Variants in MCPH1 observed in about 807,000 individuals in gnomAD.
MCPH1 encodes microcephalin.
MCPH1 carries 104 observed loss-of-function variants against 84.5 expected under a neutral mutation model. That is an observed-to-expected ratio of 1.23 (90% CI 1.05 to 1.45). The LOEUF (loss-of-function observed/expected upper bound fraction) is 1.45, where lower values mean the gene tolerates loss of function less well. MCPH1 is among the 40% of genes most tolerant of loss of function. The pLI is 0.00. For synonymous variants in MCPH1, 514 were observed against 366.8 expected (o/e 1.40, Z -4.58); for missense variants, 1,498 against 1,005.7 (o/e 1.49, Z -6.62).
At position 6,645,625 on chromosome 8, in the gene MCPH1, A is replaced by ACC. The variant is rs1486020466; in HGVS notation, c.*2576_*2577insCC. 5.3e-5 allele frequency: 8 copies of ACC among 150,390 alleles called. No individual in the cohort carries two copies. The highest frequency in any genetic ancestry group is 1.9e-4 in the African/African-American group (8 of 41,136). 9.3% of individuals were successfully genotyped at this position (150,390 alleles called of 1,614,324 possible). ...GGAATGCAAAAAAAAAAAAAAAAAA[A>ACC]AGCCCTACAAGAACTTATAACAAGT... On this transcript the variant is annotated 3_prime_UTR_variant, in exon 14 of 14. Transcript: ENST00000344683.
intron 13 of MCPH1, chr8:6,625,800 A>G: frequency 4.1e-6 from 4 of 984,938 alleles, no homozygotes; most frequent in Non-Finnish European, 4.8e-6. Flanking sequence ...GAAAAAAAAA[A>G]GAATCATTTT....
chr8:6,583,995 G>A (rs17077606), intron 12 of MCPH1, among the ~76,000 whole-genome samples: 30,872 of 151,644 alleles, frequency 0.2, 3,296 homozygotes, highest in South Asian at 0.3. Flanking sequence ...ATTGTGCTTC[G>A]AAACTCCCAC....
intron 12 of MCPH1, among the ~76,000 whole-genome samples, chr8:6,615,233 C>G (rs978412497): frequency 2.0e-5 from 3 of 152,214 alleles, no homozygotes; most frequent in Non-Finnish European, 4.4e-5. Context: ...TCTTTCTGCT[C>G]ACGACTCCAT....
In MCPH1 at chr8:6,481,164, G is replaced by A. The variant is rs537448119; in HGVS notation, c.2136+288G>A. ...AGATTACAAAGATGCTGAAAGAAACGCAAGATGCATGTTCTCACAGTCAAA... is the reference window on the plus strand; with the variant it reads ...AGATTACAAAGATGCTGAAAGAAACACAAGATGCATGTTCTCACAGTCAAA... On this transcript the variant is annotated intron_variant, in intron 11 of 13. Coordinates refer to ENST00000344683, the MANE Select transcript of MCPH1 (RefSeq NM_024596.5). 1.7e-3 allele frequency among the ~76,000 whole-genome samples: 263 copies of A among 152,282 alleles called. 3 individuals carry two copies. Among genetic ancestry groups the A allele is most frequent in the South Asian group, 0.017 (82 of 4,826 alleles).
intron 9 of MCPH1, among the ~76,000 whole-genome samples, chr8:6,458,059 T>C (rs1458077937): frequency 6.6e-6 from 1 of 152,194 alleles, no homozygotes; most frequent in African/African-American, 2.4e-5. Flanking sequence ...ACTACAGCCT[T>C]GGGACTTTTA....
At chr8:6,482,925 A>C (rs1031492033) in intron 11 of MCPH1, among the ~76,000 whole-genome samples, 7 of 152,240 alleles carry the variant, frequency 4.6e-5, no homozygotes, top group African/African-American at 1.7e-4. Context: ...GTACAAGGCA[A>C]TCAGACAAGA....
chr8:6,510,834 C>G (rs925035822), intron 12 of MCPH1, among the ~76,000 whole-genome samples: 2 of 152,288 alleles, frequency 1.3e-5, no homozygotes, highest in East Asian at 1.9e-4. Context: ...TAAGGCAGCC[C>G]TAGAAACTTC....
At chr8:6,624,836 G>A (rs2129581302) in intron 13 of MCPH1, 13 of 984,728 alleles carry the variant, frequency 1.3e-5, no homozygotes, top group Non-Finnish European at 1.6e-5. Flanking sequence ...CCAGGTCCAG[G>A]CTATTTGCTT....
chr8:6,621,392 G>T, intron 12 of MCPH1, 62 bp from the exon 13 acceptor site: 1 of 1,594,712 alleles, frequency 6.3e-7, no homozygotes, highest in South Asian at 1.1e-5. Context: ...GCAACAGTTC[G>T]CCTACGCTAT....
chr8:6,521,539 C>G, intron 12 of MCPH1: 1 of 695,178 alleles, frequency 1.4e-6, no homozygotes, highest in Non-Finnish European at 2.3e-6. Context: ...ATGATGTTAC[C>G]AGAGCCCTAA....
chr8:6,413,319 T>A (rs1246131420), intron 2 of MCPH1, among the ~76,000 whole-genome samples: 1 of 151,966 alleles, frequency 6.6e-6, no homozygotes, highest in Non-Finnish European at 1.5e-5. Flanking sequence ...GATTACCCAC[T>A]CTTTTAATAT....
chr8:6,445,630 T>G, intron 8 of MCPH1, 83 bp downstream of exon 8: 1 of 1,500,328 alleles, frequency 6.7e-7, no homozygotes, highest in Non-Finnish European at 8.9e-7. Context: ...TCACAACTTT[T>G]TCATAACTTA....
chr8:6,576,276 AAAG>A (rs899471023), intron 12 of MCPH1, among the ~76,000 whole-genome samples: 2 of 152,150 alleles, frequency 1.3e-5, no homozygotes, highest in Non-Finnish European at 2.9e-5. Flanking sequence ...CCACCCTATA[AAAG>A]AAGGTCCTCT....
intron 11 of MCPH1, among the ~76,000 whole-genome samples, chr8:6,490,721 A>T (rs1028674128): frequency 1.3e-5 from 2 of 152,218 alleles, no homozygotes; most frequent in African/African-American, 4.8e-5. Flanking sequence ...TGAATTTCAT[A>T]GGAAAATCTC....
chr8:6,515,912 C>T (rs538925644), intron 12 of MCPH1, among the ~76,000 whole-genome samples: 49 of 152,320 alleles, frequency 3.2e-4, no homozygotes, highest in African/African-American at 1.2e-3. Flanking sequence ...CCTGTTCTTT[C>T]ATTTCCTACA....
At chr8:6,613,358 G>A (rs369216514) in intron 12 of MCPH1, among the ~76,000 whole-genome samples, 20 of 152,328 alleles carry the variant, frequency 1.3e-4, no homozygotes, top group African/African-American at 4.6e-4. Flanking sequence ...CACCCGCGGC[G>A]ATGCCGGTGC....
chr8:6,567,602 G>A (rs1241493253), intron 12 of MCPH1, among the ~76,000 whole-genome samples: 2 of 152,212 alleles, frequency 1.3e-5, no homozygotes, highest in Non-Finnish European at 2.9e-5. Flanking sequence ...GGCCCCTAGG[G>A]AAGTGGAGAC....
In MCPH1 at chr8:6,446,701, C is replaced by G. The variant is rs1804430322; in HGVS notation, c.1825+1154C>G. The stretch of plus-strand genomic sequence containing the variant: ...AATATCCTGTTCTGAGGTTTACATT[C>G]TCCATCTTTCCAGTTTTCACCTTGT... On this transcript the variant is annotated intron_variant, in intron 8 of 13. Transcript: ENST00000344683. 1.1e-5 allele frequency: 11 copies of G among 984,964 alleles called. 1 individual carries two copies. In the South Asian group the frequency reaches 5.2e-4, roughly 46 times the overall value. 61.0% of individuals were successfully genotyped at this position (984,964 alleles called of 1,614,324 possible).
chr8:6,471,809 C>T (rs1393203879), intron 9 of MCPH1, among the ~76,000 whole-genome samples: 1 of 152,230 alleles, frequency 6.6e-6, no homozygotes, highest in African/African-American at 2.4e-5. Context: ...GGGGCTCTAA[C>T]ACAGCCCCCT....
Sources: allele counts gnomAD v4.1 joint callset (sites outside exome capture counted in the v4.1 genomes callset), GRCh38; gene constraint gnomAD v4.1.1; transcripts MANE v1.5; gene names NCBI Gene and HGNC (gene_info 2026-07-23, HGNC 2026-07-21).